AGTRAP: variants seen among roughly 807,000 people sequenced by gnomAD.
AGTRAP encodes the protein angiotensin II receptor associated protein.
AGTRAP carries 7 observed loss-of-function variants against 15.2 expected under a neutral mutation model. The observed-to-expected ratio is 0.46, with a 90% confidence interval of 0.26 to 0.87. The LOEUF is 0.87. Among genes scored for constraint, AGTRAP ranks in the 40% least tolerant of loss-of-function variants. AGTRAP has a pLI of 0.15. For missense variants in AGTRAP, 187 were observed against 213.4 expected (o/e 0.88, Z 0.77); for synonymous variants, 74 against 89.6 (o/e 0.83, Z 0.98).
chr1:11,743,536 G>A (rs577947102), intron 1 of AGTRAP, among the ~76,000 whole-genome samples: 28 of 151,110 alleles, frequency 1.9e-4, no homozygotes, highest in Middle Eastern at 3.5e-3. Context: ...GTGAGCCACC[G>A]CGCCCAGCCC....
At chr1:11,746,395 G>A (rs1465473582) in intron 2 of AGTRAP, 2 of 598,750 alleles carry the variant, frequency 3.3e-6, no homozygotes, top group South Asian at 4.1e-5. Context: ...AAGACCTATT[G>A]AACCGAATGG....
In AGTRAP at chr1:11,740,434, G is replaced by T. The variant is rs140863821; in HGVS notation, c.27+4199G>T. On this transcript the variant is annotated intron_variant, in intron 1 of 4. Transcript: ENST00000314340. ...AAGAGGAGCAACTGGTGCTAACTTT[G>T]TTCATATTTATCAAACCAAAGTGAC... 9.7e-4 allele frequency among the ~76,000 whole-genome samples: 147 copies of T among 152,314 alleles called. 1 individual carries two copies. The highest frequency in any genetic ancestry group is 3.2e-3 in the African/African-American group (134 of 41,564).
rs749292495 is a variant in AGTRAP, at chr1:11,745,777, C to G, written c.28-26C>G. The stretch of plus-strand genomic sequence containing the variant: ...CTGTGGTGGTCATGTTCACAGACCT[C>G]TTCTCTCCCCCTTGTTGTGCCACAG... On this transcript the variant is annotated intron_variant, in intron 1 of 4. Coordinates refer to ENST00000314340, the MANE Select transcript of AGTRAP (RefSeq NM_020350.5). The surrounding 1 kb of genome is among the most constrained non-coding windows in gnomAD (Gnocchi z 4.2). The G allele has an allele frequency of 6.2e-7, 1 of 1,614,014 alleles. No individual in the cohort carries two copies. The highest frequency in any genetic ancestry group is 8.5e-7 in the Non-Finnish European group (1 of 1,179,876).
At chr1:11,744,318 A>G (rs946105616) in intron 1 of AGTRAP, among the ~76,000 whole-genome samples, 34 of 152,142 alleles carry the variant, frequency 2.2e-4, no homozygotes, top group African/African-American at 7.7e-4. Flanking sequence ...AAATCCAGAA[A>G]AATAGCCAGG....
At chr1:11,738,897 A>AT in intron 1 of AGTRAP, among the ~76,000 whole-genome samples, 1 of 152,204 alleles carries the variant, frequency 6.6e-6, no homozygotes, top group East Asian at 1.9e-4. Context: ...AGTTTATTCC[A>AT]TTTCTGGGAA....
chr1:11,745,811 C>T lies in AGTRAP; in HGVS notation c.36C>T (p.Leu12=), dbSNP rs771789958. ...CCCTTGTTGTGCCACAGGTGATTCT[C>T]CTAGGTCACTGGCTGCTGACAACCT... ...ELPAVNLKVI[L]LGHWLLTTWG... is the part of the protein sequence containing the mutation. The change falls in exon 2 of 5, where the codon CTC becomes CTT. Residue 12 remains leucine, a synonymous_variant. Coordinates refer to ENST00000314340, the MANE Select transcript of AGTRAP (RefSeq NM_020350.5). The surrounding 1 kb of genome is among the most constrained non-coding windows in gnomAD (Gnocchi z 4.2). 102 of 1,614,060 alleles carry T rather than the reference C, an allele frequency of 6.3e-5. 1 individual carries two copies. The East Asian group carries it at 2.0e-3, about 32-fold the overall frequency.
chr1:11,739,462 G>A (rs1014099638), intron 1 of AGTRAP, among the ~76,000 whole-genome samples: 1 of 152,102 alleles, frequency 6.6e-6, no homozygotes, highest in African/African-American at 2.4e-5. Context: ...GAGGCACCGA[G>A]GATCACTTGA....
At chr1:11,737,764 G>A (rs1357008365) in intron 1 of AGTRAP, among the ~76,000 whole-genome samples, 1 of 152,120 alleles carries the variant, frequency 6.6e-6, no homozygotes, top group African/African-American at 2.4e-5. Flanking sequence ...TTTTGGGCCT[G>A]ACAGGCTAAG....
chr1:11,743,569 C>CTT (rs1302181623), intron 1 of AGTRAP, among the ~76,000 whole-genome samples: 3 of 139,592 alleles, frequency 2.1e-5, no homozygotes, highest in African/African-American at 2.6e-5. Flanking sequence ...TCTTTCTTTC[C>CTT]TTTTTTTTTT....
chr1:11,746,576 G>T (rs1309068968), intron 2 of AGTRAP: 1 of 204,060 alleles, frequency 4.9e-6, no homozygotes, highest in African/African-American at 2.3e-5. Context: ...GCACAGCAGG[G>T]TGAGCAAGAG....
In AGTRAP at chr1:11,750,289, T is replaced by C. The variant is rs1297197073; in HGVS notation, c.*97T>C. 2.8e-6 allele frequency: 3 copies of C among 1,059,668 alleles called. No homozygotes were observed. Among genetic ancestry groups the C allele is most frequent in the East Asian group, 2.5e-5 (1 of 39,216 alleles). The allele number at this position is 1,059,668 out of a possible 1,614,324, so 65.6% of individuals were successfully genotyped here. A position where few individuals can be genotyped will look rare whatever the true frequency, so the allele number is the denominator to read the frequency against. ...TGACCTCCGTCTCTTGGACCTAAGA[T>C]GGAATGTGTCCCCAGCTCAGGGATT... On this transcript the variant is annotated 3_prime_UTR_variant, in exon 5 of 5. Transcript: ENST00000314340.
chr1:11,743,846 G>A (rs1389827637), intron 1 of AGTRAP, among the ~76,000 whole-genome samples: 5 of 152,100 alleles, frequency 3.3e-5, no homozygotes, highest in African/African-American at 7.2e-5. Context: ...GATTACAGGC[G>A]TGAGCCACTG....
chr1:11,747,501 G>A lies in AGTRAP; in HGVS notation c.124G>A (p.Val42Met), dbSNP rs746794742. The A allele has an allele frequency of 2.6e-5, 42 of 1,614,148 alleles. No homozygotes were observed. Among genetic ancestry groups the A allele is most frequent in the African/African-American group, 4.0e-5 (3 of 75,076 alleles). Residue 42 changes from valine to methionine, a missense_variant, in exon 3 of 5, where the codon GTG (valine) becomes ATG (methionine). By Grantham distance (21) the Val-to-Met change is conservative (BLOSUM62 1). Coordinates refer to ENST00000314340, the MANE Select transcript of AGTRAP (RefSeq NM_020350.5). ...WANFTILALG[V>M]WAVAQRDSID... is the part of the protein sequence containing the mutation. ...CAACTTCACCATCCTGGCCTTGGGC[G>A]TGTGGGCTGTGGCTCAGCGGGACTC...
chr1:11,738,027 T>C (rs1311881025), intron 1 of AGTRAP, among the ~76,000 whole-genome samples: 1 of 152,208 alleles, frequency 6.6e-6, no homozygotes, highest in East Asian at 1.9e-4. Flanking sequence ...ATGTGGGACA[T>C]ATTAACAAAT....
chr1:11,747,690 C>A, intron 3 of AGTRAP, 145 bp downstream of exon 3: 1 of 854,010 alleles, frequency 1.2e-6, no homozygotes, highest in Admixed American at 2.3e-5. Flanking sequence ...TGTTCATCAG[C>A]CTCCTGGGCT....
At chr1:11,747,672 C>A in intron 3 of AGTRAP, 127 bp downstream of exon 3, 1 of 989,328 alleles carries the variant, frequency 1.0e-6, no homozygotes, top group Non-Finnish European at 1.5e-6. Context: ...TTCCCATTGT[C>A]TAAAGCCTGT....
At chr1:11,743,532 C>G (rs1363716725) in intron 1 of AGTRAP, among the ~76,000 whole-genome samples, 2 of 151,828 alleles carry the variant, frequency 1.3e-5, no homozygotes, top group Admixed American at 6.6e-5. Flanking sequence ...AGGGGTGAGC[C>G]ACCGCGCCCA....
intron 1 of AGTRAP, 94 bp downstream of exon 1, chr1:11,736,329 GA>G (rs1385231218): frequency 6.6e-7 from 1 of 1,525,600 alleles, no homozygotes; most frequent in Non-Finnish European, 8.9e-7. Flanking sequence ...GAGTTTTGGG[GA>G]AAGAGGGATG....
rs934195481 is a variant in AGTRAP at position 11,750,306 on chromosome 1, T to C, written c.*114T>C. The C allele has an allele frequency of 4.2e-6, 4 of 963,624 alleles. No homozygotes were observed. The highest frequency in any genetic ancestry group is 6.4e-6 in the Non-Finnish European group (4 of 624,750). 59.7% of individuals were successfully genotyped at this position (963,624 alleles called of 1,614,324 possible). The stretch of plus-strand genomic sequence containing the variant: ...ACCTAAGATGGAATGTGTCCCCAGC[T>C]CAGGGATTGCCTGAACCAAGAGGCC... On this transcript the variant is annotated 3_prime_UTR_variant, in exon 5 of 5. Transcript: ENST00000314340.
Sources: allele counts gnomAD v4.1 joint callset (sites outside exome capture counted in the v4.1 genomes callset), GRCh38; gene constraint gnomAD v4.1.1; non-coding constraint Gnocchi (gnomAD v3.1); transcripts MANE v1.5; gene names NCBI Gene and HGNC (gene_info 2026-07-23, HGNC 2026-07-21).